Variants in GLIS3 observed in about 807,000 individuals in gnomAD.
GLIS3 encodes zinc finger protein GLIS3.
Under a neutral mutation model 78.6 loss-of-function variants are expected in GLIS3, and 53 were observed. The observed-to-expected ratio is 0.67, with a 90% CI of 0.54 to 0.85. The LOEUF (loss-of-function observed/expected upper bound fraction) is 0.85. Ranked by LOEUF, GLIS3 falls within the 40% of genes least tolerant of loss-of-function variation. GLIS3 has a pLI of 0.00. For synonymous variants in GLIS3, 684 were observed against 509.9 expected (o/e 1.34, Z -4.60); for missense variants, 1,703 against 1,231.1 (o/e 1.38, Z -5.74).
chr9:4,485,684 C>T, the GLIS3 span, among the ~76,000 whole-genome samples: 6 of 151,306 alleles, frequency 4.0e-5, no homozygotes, highest in African/African-American at 1.5e-4. Flanking sequence ...GGGGATTGCA[C>T]TACCAGTGAT....
rs779433100 is a variant in GLIS3 at position 3,879,414 on chromosome 9, CAG to C, written c.2297+11_2297+12del. 4,602 of 1,613,420 alleles carry C rather than the reference CAG, an allele frequency of 2.9e-3. 13 individuals are homozygous for C. The highest frequency in any genetic ancestry group is 3.3e-3 in the Non-Finnish European group (3,940 of 1,179,592). On this transcript the variant is annotated intron_variant, in intron 8 of 10. Coordinates refer to ENST00000381971, the MANE Select transcript of GLIS3 (RefSeq NM_001042413.2). ...GGCGACACCTATTAGGAGAGAGAGA[CAG>C]ATGGCCTTACCTCTCAGCTCCTGCG...
chr9:4,310,563 G>C (rs756979949), intron 2 of GLIS3: 1 of 152,202 alleles, frequency 6.6e-6, no homozygotes, highest in South Asian at 2.1e-4. Flanking sequence ...TTTCAGTGCC[G>C]AATCACATTT....
At chr9:4,136,905 C>T (rs1353920221) in intron 2 of GLIS3, among the ~76,000 whole-genome samples, 1 of 152,184 alleles carries the variant, frequency 6.6e-6, no homozygotes, top group Non-Finnish European at 1.5e-5. Context: ...AATTCCTAAG[C>T]TCCACTGCAA....
rs760535978 is a variant in GLIS3, at chr9:4,053,705, TA to T, written c.1710+64062del. The stretch of plus-strand genomic sequence containing the variant: ...AGTGCCTACTTGTTTTCTTTCTTCA[TA>T]AAAAAAAAAAAAAAAAATTCTGGAT... On this transcript the variant is annotated intron_variant, in intron 4 of 10. Coordinates refer to ENST00000381971, the MANE Select transcript of GLIS3 (RefSeq NM_001042413.2). Among the ~76,000 whole-genome samples, 174 of 91,142 alleles carry T rather than the reference TA, an allele frequency of 1.9e-3. 3 individuals carry two copies. The highest frequency in any genetic ancestry group is 8.3e-3 in the Middle Eastern group (1 of 120). The allele number at this position is 91,142 out of a possible 152,430, so 59.8% of individuals were successfully genotyped here.
chr9:4,429,512 G>A, the GLIS3 span, among the ~76,000 whole-genome samples: 2 of 152,078 alleles, frequency 1.3e-5, no homozygotes, highest in Non-Finnish European at 2.9e-5. Context: ...CTCTCCACAA[G>A]AGCCTTGTCT....
intron 1 of GLIS3, among the ~76,000 whole-genome samples, chr9:4,297,773 C>G (rs148785205): frequency 2.0e-5 from 3 of 152,286 alleles, no homozygotes; most frequent in Non-Finnish European, 4.4e-5. Flanking sequence ...GAGCAGTGGT[C>G]TCAGTCCTCG....
chr9:4,483,426 A>G, the GLIS3 span, among the ~76,000 whole-genome samples: 1 of 152,176 alleles, frequency 6.6e-6, no homozygotes, highest in East Asian at 1.9e-4. Flanking sequence ...TCCTTACATA[A>G]GAGGTGTTGG....
intron 8 of GLIS3, among the ~76,000 whole-genome samples, chr9:3,872,974 C>T (rs1280814038): frequency 1.3e-5 from 2 of 151,900 alleles, no homozygotes; most frequent in African/African-American, 4.8e-5. Flanking sequence ...AGCAACCAAA[C>T]AAAAAGCTGG....
At chr9:4,389,832 A>G in the GLIS3 span, among the ~76,000 whole-genome samples, 2 of 152,238 alleles carry the variant, frequency 1.3e-5, no homozygotes, top group African/African-American at 2.4e-5. Flanking sequence ...AACATTTGCT[A>G]TATTTCAGGC....
At chr9:4,438,885 A>C in the GLIS3 span, among the ~76,000 whole-genome samples, 1 of 152,272 alleles carries the variant, frequency 6.6e-6, no homozygotes, top group East Asian at 1.9e-4. Flanking sequence ...TAAATTACCT[A>C]GTCCTAGGTA....
intron 4 of GLIS3, among the ~76,000 whole-genome samples, chr9:3,990,618 A>G (rs1204592226): frequency 3.3e-5 from 5 of 152,128 alleles, no homozygotes; most frequent in African/African-American, 1.2e-4. Context: ...GATTGTGTGA[A>G]TCCCTACTTC....
intron 2 of GLIS3, among the ~76,000 whole-genome samples, chr9:4,335,781 G>C (rs1328662138): frequency 6.6e-6 from 1 of 152,142 alleles, no homozygotes; most frequent in Admixed American, 6.5e-5. Context: ...TGGGTCCCTT[G>C]CCCTACTCTG....
At chr9:4,066,211 C>T (rs1827085048) in intron 4 of GLIS3, among the ~76,000 whole-genome samples, 1 of 152,156 alleles carries the variant, frequency 6.6e-6, no homozygotes, top group African/African-American at 2.4e-5. Flanking sequence ...CTATCTGTAA[C>T]ACCCTGGCAC....
At chr9:4,300,481 C>G (rs1817022408), upstream of GLIS3, among the ~76,000 whole-genome samples, 3 of 152,084 alleles carry the variant, frequency 2.0e-5, no homozygotes, top group Non-Finnish European at 4.4e-5. Flanking sequence ...TTTGAAATAT[C>G]GGATCGGATG....
At chr9:4,075,331 G>A (rs529374348) in intron 4 of GLIS3, among the ~76,000 whole-genome samples, 1 of 151,976 alleles carries the variant, frequency 6.6e-6, no homozygotes, top group African/African-American at 2.4e-5. Flanking sequence ...CACTTTGGGA[G>A]GCTGAGGTGG....
the GLIS3 span, among the ~76,000 whole-genome samples, chr9:4,365,307 A>G: frequency 6.6e-6 from 1 of 152,166 alleles, no homozygotes; most frequent in Non-Finnish European, 1.5e-5. Flanking sequence ...TCATGCCTGT[A>G]ATCACTTTGG....
chr9:4,140,405 C>A (rs922734841), intron 2 of GLIS3, among the ~76,000 whole-genome samples: 1 of 152,154 alleles, frequency 6.6e-6, no homozygotes, highest in Non-Finnish European at 1.5e-5. Flanking sequence ...CCATTACTGT[C>A]CAAAAAGACA....
intron 2 of GLIS3, among the ~76,000 whole-genome samples, chr9:4,272,801 T>G (rs936704870): frequency 2.0e-5 from 3 of 152,222 alleles, no homozygotes; most frequent in Non-Finnish European, 2.9e-5. Context: ...TGAATCTAAA[T>G]GTAATGAAAC....
At chr9:4,127,519 G>A (rs1832662946) in intron 2 of GLIS3, among the ~76,000 whole-genome samples, 1 of 151,876 alleles carries the variant, frequency 6.6e-6, no homozygotes, top group Admixed American at 6.6e-5. Flanking sequence ...TATTATCCGG[G>A]CTTCATCTTG....
Sources: allele counts gnomAD v4.1 joint callset (sites outside exome capture counted in the v4.1 genomes callset), GRCh38; gene constraint gnomAD v4.1.1; transcripts MANE v1.5; gene names NCBI Gene and HGNC (gene_info 2026-07-23, HGNC 2026-07-21).